The following RNF150 variants were observed in gnomAD, a reference collection of about 807,000 sequenced individuals.
The protein encoded by RNF150 is ring finger protein 150.
RNF150 carries 24 observed loss-of-function variants against 39.3 expected under a neutral mutation model. The ratio of observed to expected loss-of-function variants is 0.61; its 90% CI spans 0.44 to 0.86. The LOEUF (loss-of-function observed/expected upper bound fraction) is 0.86, where lower values mean the gene tolerates loss of function less well. Ranked by LOEUF, RNF150 falls within the 40% of genes least tolerant of loss-of-function variation. The probability of loss-of-function intolerance (pLI) is 0.00; values close to 1 mark genes in which losing one functional copy is unlikely to be tolerated. For missense variants in RNF150, 502 were observed against 587.8 expected (o/e 0.85, Z 1.51); for synonymous variants, 255 against 227.3 (o/e 1.12, Z -1.10).
chr4:141,108,555 AC>A (rs549628039), intron 1 of RNF150, among the ~76,000 whole-genome samples: 51 of 152,214 alleles, frequency 3.4e-4, no homozygotes, highest in Non-Finnish European at 6.2e-4. Context: ...TTTAAAAAAA[AC>A]ATTTTAACAT....
At chr4:140,969,018 A>G (rs141148515) in intron 1 of RNF150, among the ~76,000 whole-genome samples, 3 of 152,132 alleles carry the variant, frequency 2.0e-5, no homozygotes, top group Non-Finnish European at 2.9e-5. Flanking sequence ...ATTTGCAACA[A>G]GGATGTTGTA....
intron 1 of RNF150, among the ~76,000 whole-genome samples, chr4:140,979,850 A>AT (rs1733798514): frequency 6.6e-6 from 1 of 152,286 alleles, no homozygotes; most frequent in African/African-American, 2.4e-5. Flanking sequence ...TGCAAAATCA[A>AT]TCTTCAAAGT....
At chr4:141,027,926 G>GTTTTTTTTTTT (rs61543533) in intron 1 of RNF150, among the ~76,000 whole-genome samples, 10 of 69,120 alleles carry the variant, frequency 1.4e-4, no homozygotes, top group Admixed American at 2.2e-4. Context: ...TTTTTTTTTT[G>GTTTTTTTTTTT]TTTTTTTTTT....
chr4:141,129,945 G>A (rs1272421411), intron 1 of RNF150, among the ~76,000 whole-genome samples: 1 of 152,146 alleles, frequency 6.6e-6, no homozygotes, highest in African/African-American at 2.4e-5. Context: ...TATATCATCA[G>A]CTTTTGCAGT....
intron 1 of RNF150, among the ~76,000 whole-genome samples, chr4:141,114,991 C>A (rs896204122): frequency 6.6e-6 from 1 of 152,142 alleles, no homozygotes; most frequent in Admixed American, 6.5e-5. Flanking sequence ...TGGAACATAT[C>A]TCAAAATAAT....
intron 1 of RNF150, among the ~76,000 whole-genome samples, chr4:140,993,100 C>T (rs1489499870): frequency 1.3e-5 from 2 of 152,088 alleles, no homozygotes; most frequent in Admixed American, 6.5e-5. Context: ...GAGAGATTGC[C>T]ACAACTCAGG....
rs143040675 is a variant in RNF150 at position 141,212,177 on chromosome 4, A to C, written c.-6+617T>G. Among the ~76,000 whole-genome samples, 1,020 of 152,296 alleles carry C rather than the reference A, an allele frequency of 6.7e-3. 2 individuals are homozygous for C. The highest frequency in any genetic ancestry group is 0.01 in the Admixed American group (155 of 15,302). ...AGGCAGGCAGGATTAAAAGGTAAAT[A>C]GTAGGCTAAACCATGAGCAGGGGGC... On this transcript the variant is annotated intron_variant, in intron 1 of 7. Transcript: ENST00000420921.
At chr4:140,870,557 T>C (rs1181855414) in intron 6 of RNF150, among the ~76,000 whole-genome samples, 5 of 151,972 alleles carry the variant, frequency 3.3e-5, no homozygotes, top group African/African-American at 9.7e-5. Context: ...AATTCTCAAG[T>C]GCAAATTACG....
chr4:141,177,052 AGG>A (rs1727824879), intron 1 of RNF150, among the ~76,000 whole-genome samples: 1 of 27,410 alleles, frequency 3.6e-5, no homozygotes, highest in Non-Finnish European at 8.3e-5. Context: ...CCTGTCTCCT[AGG>A]AAAAAAAAAA....
chr4:140,997,188 G>A (rs1480363752), intron 1 of RNF150, among the ~76,000 whole-genome samples: 1 of 152,172 alleles, frequency 6.6e-6, no homozygotes, highest in African/African-American at 2.4e-5. Context: ...GGTGATTACT[G>A]CAGCCCAGTT....
chr4:141,087,651 G>A lies in RNF150; in HGVS notation c.484+44674C>T, dbSNP rs144181070. ...CTCTCATTTTTAAGATCATTCAAGC[G>A]TTTATGTTTACTTTTAAAATCACAA... On this transcript the variant is annotated intron_variant, in intron 1 of 6. Coordinates refer to ENST00000515673, the MANE Select transcript of RNF150 (RefSeq NM_020724.2). Among the ~76,000 whole-genome samples the A allele has an allele frequency of 3.6e-3, 552 of 152,158 alleles. 2 individuals carry two copies. Among genetic ancestry groups the A allele is most frequent in the African/African-American group, 0.012 (500 of 41,488 alleles).
Position 140,902,348 on chromosome 4 carries a change from T to C in RNF150, c.1198+8796A>G, listed in dbSNP as rs935033839. On this transcript the variant is annotated intron_variant, in intron 6 of 6. Transcript: ENST00000515673. The stretch of plus-strand genomic sequence containing the variant: ...TGTAAAAACAAAAGTCACTAACTTA[T>C]AAAATGAACCTATATGCTAGTGTAA... Among the ~76,000 whole-genome samples, 7 of 152,336 alleles carry C rather than the reference T, an allele frequency of 4.6e-5. No individual in the cohort carries two copies. The South Asian group carries it at 1.4e-3, about 32-fold the overall frequency.
intron 1 of RNF150, among the ~76,000 whole-genome samples, chr4:140,975,400 G>A (rs1733626271): frequency 6.6e-6 from 1 of 152,134 alleles, no homozygotes; most frequent in South Asian, 2.1e-4. Context: ...TCTGCAGGTG[G>A]TCCTGGAACC....
intron 1 of RNF150, among the ~76,000 whole-genome samples, chr4:141,041,565 T>C (rs1165896226): frequency 6.6e-6 from 1 of 152,076 alleles, no homozygotes; most frequent in Non-Finnish European, 1.5e-5. Context: ...CTCTATAAAA[T>C]ACAACTGGAA....
intron 1 of RNF150, among the ~76,000 whole-genome samples, chr4:141,011,850 C>T (rs140947264): frequency 0.012 from 1,791 of 152,252 alleles, 18 homozygotes; most frequent in Non-Finnish European, 0.017. Context: ...TCTGTATTTA[C>T]GATATATAAA....
intron 6 of RNF150, among the ~76,000 whole-genome samples, chr4:140,899,211 T>C (rs1235957627): frequency 1.3e-5 from 2 of 152,204 alleles, no homozygotes; most frequent in Admixed American, 1.3e-4. Context: ...TGCAGTGAAC[T>C]GCAGAGGACG....
At chr4:141,189,392 G>A (rs778813901) in intron 1 of RNF150, among the ~76,000 whole-genome samples, 2 of 152,178 alleles carry the variant, frequency 1.3e-5, no homozygotes, top group Non-Finnish European at 2.9e-5. Context: ...CCCACTTGAG[G>A]AGGCAGTCTG....
chr4:141,095,605 C>A (rs1738742390), intron 1 of RNF150, among the ~76,000 whole-genome samples: 1 of 152,176 alleles, frequency 6.6e-6, no homozygotes, highest in South Asian at 2.1e-4. Context: ...TGTTTGGTTG[C>A]ATACAATTTG....
intron 1 of RNF150, among the ~76,000 whole-genome samples, chr4:141,068,045 AAGCAATTCTTGTGCCTCAGTCTCCTG>A (rs1220328853): frequency 2.0e-5 from 3 of 151,926 alleles, no homozygotes; most frequent in African/African-American, 7.3e-5. Flanking sequence ...TCCCAGGTTC[AAGCAATTCTTGTGCCTCAGTCTCCTG>A]AGTAGCTGGG....
Sources: allele counts gnomAD v4.1 joint callset (sites outside exome capture counted in the v4.1 genomes callset), GRCh38; gene constraint gnomAD v4.1.1; transcripts MANE v1.5; gene names NCBI Gene and HGNC (gene_info 2026-07-23, HGNC 2026-07-21).